STARD13: variants seen among roughly 807,000 people sequenced by gnomAD.
The protein encoded by STARD13 is StAR related lipid transfer domain containing 13, also known as stAR-related lipid transfer protein 13.
A neutral mutation model predicts 106.4 loss-of-function variants in STARD13; 62 were observed. The observed-to-expected ratio is 0.58, with a 90% confidence interval of 0.48 to 0.72. The LOEUF (loss-of-function observed/expected upper bound fraction) is 0.72, where lower values mean the gene tolerates loss of function less well. STARD13 is among the 30% of genes least tolerant of loss of function. STARD13 has a pLI of 0.00. For missense variants in STARD13, 1,387 were observed against 1,424.0 expected (o/e 0.97, Z 0.42); for synonymous variants, 565 against 553.0 (o/e 1.02, Z -0.31).
At chr13:33,285,800 C>T (rs113829490), upstream of STARD13, 170 of 1,425,622 alleles carry the variant, frequency 1.2e-4, 1 homozygote, top group African/African-American at 2.0e-3. Context: ...AATTCCAACC[C>T]CCGGGGCCCT....
chr13:33,569,408 C>T, the STARD13 span, among the ~76,000 whole-genome samples: 3,159 of 147,544 alleles, frequency 0.021, 364 homozygotes, highest in African/African-American at 0.071. Flanking sequence ...CCTTATCGAA[C>T]CCCTTGCCTG....
the STARD13 span, among the ~76,000 whole-genome samples, chr13:33,412,833 A>C: frequency 1.3e-5 from 2 of 152,180 alleles, no homozygotes; most frequent in African/African-American, 4.8e-5. Context: ...TAGAACAAAA[A>C]GGAAAAATAG....
chr13:33,592,024 G>A, the STARD13 span, among the ~76,000 whole-genome samples: 1 of 152,134 alleles, frequency 6.6e-6, no homozygotes, highest in Admixed American at 6.5e-5. Context: ...TTGGCAACCT[G>A]CTTTTTAGCA....
rs368721092 is a variant in STARD13 at position 33,112,132 on chromosome 13, T to G, written c.2493-240A>C. On this transcript the variant is annotated intron_variant, in intron 9 of 13. Transcript: ENST00000336934. ...CAGGAAGAACAGCAGGGGACAAAAT[T>G]AATCTGTTTTTCCAAAGTTTGAAAC... Among the ~76,000 whole-genome samples, 118 of 152,292 alleles carry G rather than the reference T, an allele frequency of 7.7e-4. 2 individuals are homozygous for G. In the South Asian group the frequency reaches 0.023, roughly 30 times the overall value.
chr13:33,397,610 G>T, the STARD13 span, among the ~76,000 whole-genome samples: 2 of 152,190 alleles, frequency 1.3e-5, no homozygotes, highest in Admixed American at 6.5e-5. Flanking sequence ...ATGAGTATGG[G>T]ATGCTGACAG....
upstream of STARD13, among the ~76,000 whole-genome samples, chr13:33,288,492 G>A (rs1324128194): frequency 1.3e-5 from 2 of 151,656 alleles, no homozygotes; most frequent in Admixed American, 1.3e-4. Context: ...CTAAGCTGAT[G>A]GCAAACTCCT....
the STARD13 span, among the ~76,000 whole-genome samples, chr13:33,602,596 A>C: frequency 6.6e-6 from 1 of 152,196 alleles, no homozygotes; most frequent in East Asian, 1.9e-4. Context: ...GATGGAGGTG[A>C]AGCTGACCCA....
chr13:33,110,646 G>A (rs916898485), intron 11 of STARD13, 40 bp downstream of exon 11: 4 of 1,547,976 alleles, frequency 2.6e-6, no homozygotes, highest in Non-Finnish European at 3.6e-6. Context: ...TGTTAGCTGT[G>A]GCTTTCTGGG....
chr13:33,111,324 C>G (rs1359120043), intron 10 of STARD13, among the ~76,000 whole-genome samples: 1 of 152,202 alleles, frequency 6.6e-6, no homozygotes, highest in African/African-American at 2.4e-5. Context: ...TTCCCATTGA[C>G]AAATGCCAAT....
chr13:33,471,673 C>T, the STARD13 span, among the ~76,000 whole-genome samples: 1 of 148,888 alleles, frequency 6.7e-6, no homozygotes, highest in Non-Finnish European at 1.5e-5. Flanking sequence ...AAAAAAGTCA[C>T]ATGGCCAACT....
intron 1 of STARD13, among the ~76,000 whole-genome samples, chr13:33,187,524 A>C (rs571122925): frequency 1.3e-5 from 2 of 152,224 alleles, no homozygotes; most frequent in East Asian, 1.9e-4. Context: ...AAGGGCATGC[A>C]TTTTACTGAG....
At chr13:33,416,565 G>A in the STARD13 span, among the ~76,000 whole-genome samples, 1 of 152,170 alleles carries the variant, frequency 6.6e-6, no homozygotes, top group Non-Finnish European at 1.5e-5. Flanking sequence ...TAAATCACAG[G>A]TTCTTTTTCA....
At chr13:33,408,193 A>C in the STARD13 span, among the ~76,000 whole-genome samples, 1 of 152,136 alleles carries the variant, frequency 6.6e-6, no homozygotes, top group African/African-American at 2.4e-5. Context: ...CGTCGTAATC[A>C]TTTCAAGGGT....
At chr13:33,213,472 C>T (rs1199547849) in intron 1 of STARD13, among the ~76,000 whole-genome samples, 1 of 152,224 alleles carries the variant, frequency 6.6e-6, no homozygotes, top group East Asian at 1.9e-4. Flanking sequence ...ATCACATCAG[C>T]ATCTTTCCTA....
chr13:33,590,632 A>G, the STARD13 span, among the ~76,000 whole-genome samples: 2 of 144,264 alleles, frequency 1.4e-5, no homozygotes, highest in Non-Finnish European at 3.0e-5. Flanking sequence ...TCTCACCCAT[A>G]GGTGAGAATT....
intron 3 of STARD13, among the ~76,000 whole-genome samples, chr13:33,153,531 G>A (rs77550563): frequency 0.015 from 2,246 of 152,278 alleles, 53 homozygotes; most frequent in African/African-American, 0.051. Flanking sequence ...GTGGCTGGGA[G>A]GTGCCCGGGC....
intron 1 of STARD13, 144 bp downstream of exon 1, chr13:33,285,326 T>C: frequency 1.1e-6 from 1 of 892,340 alleles, no homozygotes; most frequent in Non-Finnish European, 1.7e-6. Flanking sequence ...CAGCCTAAAG[T>C]TATTTTTCAA....
At chr13:33,177,994 G>GA (rs1258667600) in intron 1 of STARD13, among the ~76,000 whole-genome samples, 1 of 40,808 alleles carries the variant, frequency 2.5e-5, no homozygotes, top group Non-Finnish European at 4.9e-5. Context: ...GGAAAGGAAG[G>GA]AAGGAAGGAA....
intron 1 of STARD13, among the ~76,000 whole-genome samples, chr13:33,179,589 ACC>A (rs1188142125): frequency 3.9e-5 from 6 of 152,172 alleles, no homozygotes; most frequent in African/African-American, 1.4e-4. Flanking sequence ...TTCAACAGAC[ACC>A]TGCTGGGTGC....
Sources: gnomAD v4.1 joint callset for allele counts (sites outside exome capture counted in the v4.1 genomes callset) on GRCh38, gnomAD v4.1.1 for gene constraint, MANE v1.5 for transcripts, NCBI Gene and HGNC (gene_info 2026-07-23, HGNC 2026-07-21) for gene names.